The following NFKBIL1 variants were observed in gnomAD, a reference collection of about 807,000 sequenced individuals.
NFKBIL1 encodes NFKB inhibitor like 1, also known as NF-kappa-B inhibitor-like protein 1.
In NFKBIL1, 30 loss-of-function variants were observed where a neutral mutation model predicts 45.4. The observed-to-expected ratio is 0.66, with a 90% CI of 0.49 to 0.90. The LOEUF (loss-of-function observed/expected upper bound fraction) is 0.90. Ranked by LOEUF, NFKBIL1 falls within the 40% of genes least tolerant of loss-of-function variation. The pLI, the probability that NFKBIL1 is intolerant of heterozygous loss-of-function variation, is 0.00. For missense variants in NFKBIL1, 434 were observed against 513.4 expected (o/e 0.85, Z 1.49); for synonymous variants, 179 against 197.3 (o/e 0.91, Z 0.78).
At position 31,558,068 on chromosome 6, in the gene NFKBIL1, G is replaced by A; in HGVS notation, c.603G>A (p.Trp201Ter). The A allele has an allele frequency of 6.2e-7, 1 of 1,612,348 alleles. No individual in the cohort carries two copies. Among genetic ancestry groups the A allele is most frequent in the Non-Finnish European group, 8.5e-7 (1 of 1,179,822 alleles). The change falls in exon 4 of 4, where the codon TGG (tryptophan) becomes TGA (stop). Residue 201 changes from tryptophan (W) to a stop codon, truncating the protein, a stop_gained. Transcript: ENST00000376148. LOFTEE classifies it high-confidence loss of function. This position sits in a 1 kb window ranked among gnomAD's most constrained non-coding sequence, Gnocchi z 7.2. ...ETQEPESFSA[W>*]SDRLAREHAQ... Reference sequence around the variant, plus strand: ...AGGAACCTGAGTCCTTCTCAGCCTGGTCAGATCGCCTGGCCCGGGAACATG... The same window carrying A: ...AGGAACCTGAGTCCTTCTCAGCCTGATCAGATCGCCTGGCCCGGGAACATG...
chr6:31,552,217 G>A (rs1769464947), intron 2 of NFKBIL1, among the ~76,000 whole-genome samples: 1 of 152,218 alleles, frequency 6.6e-6, no homozygotes, highest in South Asian at 2.1e-4. Flanking sequence ...ATAGGCATGA[G>A]CCACCGTGCC....
chr6:31,557,749 A>G lies in NFKBIL1; in HGVS notation c.456A>G (p.Glu152=). Residue 152 remains glutamate, a synonymous_variant, in exon 3 of 4, where the codon GAA becomes GAG. Coordinates refer to ENST00000376148, the MANE Select transcript of NFKBIL1 (RefSeq NM_005007.4). This position sits in a 1 kb window ranked among gnomAD's most constrained non-coding sequence, Gnocchi z 5.4. ...LGWGPPWDSA[E]EEEEDDASKE... is the part of the protein sequence containing the mutation. The stretch of plus-strand genomic sequence containing the variant: ...GGGGACCCCCCTGGGATTCTGCTGA[A>G]GAGGAGGAAGAAGATGATGCCTCCA... 1 of 1,612,544 alleles carries G rather than the reference A, an allele frequency of 6.2e-7. No homozygotes were observed. Among genetic ancestry groups the G allele is most frequent in the Non-Finnish European group, 8.5e-7 (1 of 1,179,102 alleles).
In NFKBIL1 at chr6:31,558,302, C is replaced by T. The variant is rs1373427811; in HGVS notation, c.837C>T (p.Ala279=). 4.4e-6 allele frequency: 7 copies of T among 1,580,546 alleles called. No homozygotes were observed. The highest frequency in any genetic ancestry group is 5.2e-6 in the Non-Finnish European group (6 of 1,163,006). ...ACCGAGAACCCAAGCCAACCAGGGC[C>T]GGGCCCAGGGAAGAGCACCCCAGAG... ...LGDREPKPTR[A]GPREEHPRGA... Residue 279 remains alanine, a synonymous_variant, in exon 4 of 4, where the codon GCC becomes GCT. Transcript: ENST00000376148. The surrounding 1 kb of genome is among the most constrained non-coding windows in gnomAD (Gnocchi z 7.2).
intron 1 of NFKBIL1, 56 bp downstream of exon 1, chr6:31,547,807 A>C: frequency 6.9e-7 from 1 of 1,440,052 alleles, no homozygotes; most frequent in Non-Finnish European, 9.6e-7. Flanking sequence ...ACTTTTTAAA[A>C]CTCAGATTTC....
intron 2 of NFKBIL1, among the ~76,000 whole-genome samples, chr6:31,549,231 T>A (rs548790235): frequency 6.0e-4 from 91 of 152,218 alleles, no homozygotes; most frequent in Admixed American, 6.5e-4. Flanking sequence ...TGGCGATTGT[T>A]GTTCCTGTTT....
intron 2 of NFKBIL1, among the ~76,000 whole-genome samples, chr6:31,554,956 A>G (rs146683349): frequency 3.3e-4 from 50 of 152,352 alleles, no homozygotes; most frequent in African/African-American, 1.1e-3. Context: ...TGTTAAATGA[A>G]AGAAGCAAGT....
At chr6:31,550,396 C>T (rs955059950) in intron 2 of NFKBIL1, among the ~76,000 whole-genome samples, 8 of 143,840 alleles carry the variant, frequency 5.6e-5, no homozygotes, top group Non-Finnish European at 9.0e-5. Context: ...TCCCCCAAAA[C>T]TCCCCCAAAT....
At chr6:31,552,929 C>A (rs954673828) in intron 2 of NFKBIL1, among the ~76,000 whole-genome samples, 2 of 151,380 alleles carry the variant, frequency 1.3e-5, no homozygotes, top group African/African-American at 4.9e-5. Flanking sequence ...TGGTCTCGAA[C>A]TCCTGACCTC....
chr6:31,555,609 CTTTTTTTTTT>C (rs772749122), intron 2 of NFKBIL1, among the ~76,000 whole-genome samples: 1 of 72,258 alleles, frequency 1.4e-5, no homozygotes, highest in African/African-American at 5.5e-5. Flanking sequence ...CTCTCTCTCT[CTTTTTTTTTT>C]TTTTTTTTTT....
intron 2 of NFKBIL1, among the ~76,000 whole-genome samples, chr6:31,554,265 G>A (rs998833572): frequency 3.3e-5 from 5 of 152,048 alleles, no homozygotes; most frequent in South Asian, 2.1e-4. Flanking sequence ...TTAGCCAGGC[G>A]TGGTGGTACG....
rs202169452 is a variant in NFKBIL1, at chr6:31,547,712, C to A, written c.18C>A (p.Pro6=). 6.2e-7 allele frequency: 1 copy of A among 1,612,286 alleles called. No homozygotes were observed. The highest frequency in any genetic ancestry group is 1.7e-5 in the Admixed American group (1 of 59,968). ...CAGGTCTGATGAGTAACCCCTCCCC[C>A]CAGGTTCCAGAGGAAGAAGCCTCCA... MSNPS[P]QVPEEEASTS... The change falls in exon 1 of 4, where the codon CCC becomes CCA. Residue 6 remains proline, a synonymous_variant. Coordinates refer to ENST00000376148, the MANE Select transcript of NFKBIL1 (RefSeq NM_005007.4).
Position 31,548,333 on chromosome 6 carries a change from C to T in NFKBIL1, c.228C>T (p.His76=), listed in dbSNP as rs532104398. The T allele has an allele frequency of 6.2e-6, 10 of 1,603,662 alleles. No individual in the cohort carries two copies. Among genetic ancestry groups the T allele is most frequent in the South Asian group, 1.1e-5 (1 of 90,556 alleles). Residue 76 remains histidine, a synonymous_variant, in exon 2 of 4, where the codon CAC becomes CAT. Coordinates refer to ENST00000376148, the MANE Select transcript of NFKBIL1 (RefSeq NM_005007.4). ...CACTGCACCGGGCCTGTGCCCGCCACGATGCCCCTGCCCTGTGCCTGCTGC... is the reference window on the plus strand; with the variant it reads ...CACTGCACCGGGCCTGTGCCCGCCATGATGCCCCTGCCCTGTGCCTGCTGC... ...PPPLHRACAR[H]DAPALCLLLR...
In NFKBIL1 at chr6:31,557,761, A is replaced by G. The variant is rs1331489798; in HGVS notation, c.468A>G (p.Glu156=). ...GGGATTCTGCTGAAGAGGAGGAAGAAGATGATGCCTCCAAGGAGCGGGAAT... is the reference window on the plus strand; with the variant it reads ...GGGATTCTGCTGAAGAGGAGGAAGAGGATGATGCCTCCAAGGAGCGGGAAT... The part of the protein sequence containing the change: ...PPWDSAEEEE[E]DDASKEREWR... The change falls in exon 3 of 4, where the codon GAA becomes GAG. Residue 156 remains glutamate (E), a synonymous_variant. Coordinates refer to ENST00000376148, the MANE Select transcript of NFKBIL1 (RefSeq NM_005007.4). This position sits in a 1 kb window ranked among gnomAD's most constrained non-coding sequence, Gnocchi z 5.4. 6.2e-7 allele frequency: 1 copy of G among 1,612,796 alleles called. No homozygotes were observed. Among genetic ancestry groups the G allele is most frequent in the Non-Finnish European group, 8.5e-7 (1 of 1,179,236 alleles).
At position 31,558,333 on chromosome 6, in the gene NFKBIL1, G is replaced by A; in HGVS notation, c.868G>A (p.Gly290Arg). 1 of 1,562,896 alleles carries A rather than the reference G, an allele frequency of 6.4e-7. No homozygotes were observed. The highest frequency in any genetic ancestry group is 8.7e-7 in the Non-Finnish European group (1 of 1,152,062). ...GPREEHPRGA[G>R]RGSLWRFGDV... ...CAGGGAAGAGCACCCCAGAGGAGCG[G>A]GGAGGGGCAGCCTCTGGCGATTTGG... is the stretch of plus-strand genomic sequence containing the variant. The change falls in exon 4 of 4, where the codon GGG (glycine) becomes AGG (arginine). Residue 290 changes from glycine to arginine, a missense_variant. Gly to Arg is a moderately radical substitution (Grantham distance 125). Around this residue, in one of 4 missense-constraint regions of NFKBIL1, gnomAD observed 128 missense variants for 106.5 expected, o/e 1.20. Transcript: ENST00000376148. This position sits in a 1 kb window ranked among gnomAD's most constrained non-coding sequence, Gnocchi z 7.2.
intron 2 of NFKBIL1, among the ~76,000 whole-genome samples, chr6:31,552,806 G>A (rs1319267131): frequency 7.1e-6 from 1 of 141,028 alleles, no homozygotes; most frequent in African/African-American, 2.7e-5. Context: ...CCAGGTTCAA[G>A]CCATTCTCCT....
Position 31,558,247 on chromosome 6 carries a change from G to A in NFKBIL1, c.782G>A (p.Arg261Gln), listed in dbSNP as rs201673388. Residue 261 changes from arginine to glutamine, a missense_variant, in exon 4 of 4, where the codon CGA (arginine) becomes CAA (glutamine). Arg to Gln is a conservative substitution (Grantham distance 43). Coordinates refer to ENST00000376148, the MANE Select transcript of NFKBIL1 (RefSeq NM_005007.4). This position sits in a 1 kb window ranked among gnomAD's most constrained non-coding sequence, Gnocchi z 7.2. ...RAKEEELRES[R>Q]ARRAQEALGD... ...AAGGAGGAAGAGCTGCGTGAGAGCCGAGCCAGGAGGGCGCAGGAGGCTCTA... is the reference window on the plus strand; with the variant it reads ...AAGGAGGAAGAGCTGCGTGAGAGCCAAGCCAGGAGGGCGCAGGAGGCTCTA... 1.4e-5 allele frequency: 22 copies of A among 1,592,248 alleles called. No homozygotes were observed. Among genetic ancestry groups the A allele is most frequent in the Admixed American group, 5.4e-5 (3 of 56,000 alleles).
At chr6:31,554,764 T>C (rs1176742006) in intron 2 of NFKBIL1, among the ~76,000 whole-genome samples, 1 of 152,248 alleles carries the variant, frequency 6.6e-6, no homozygotes, top group Non-Finnish European at 1.5e-5. Context: ...ATTCCACTTA[T>C]GAAAATCTAC....
At chr6:31,551,258 T>A (rs1769415792) in intron 2 of NFKBIL1, among the ~76,000 whole-genome samples, 1 of 151,790 alleles carries the variant, frequency 6.6e-6, no homozygotes, top group Non-Finnish European at 1.5e-5. Flanking sequence ...TCTCCTGAGT[T>A]CAAACAGTCT....
chr6:31,549,554 G>T (rs1272468797), intron 2 of NFKBIL1, among the ~76,000 whole-genome samples: 1 of 150,402 alleles, frequency 6.6e-6, no homozygotes, highest in Non-Finnish European at 1.5e-5. Context: ...ACCTGGCCTT[G>T]TTCCTGTTTT....
Sources: allele counts gnomAD v4.1 joint callset (sites outside exome capture counted in the v4.1 genomes callset), GRCh38; gene constraint gnomAD v4.1.1; regional missense constraint gnomAD v4.1.1; non-coding constraint Gnocchi (gnomAD v3.1); transcripts MANE v1.5; gene names NCBI Gene and HGNC (gene_info 2026-07-23, HGNC 2026-07-21).